Variants in GBF1 observed in about 807,000 individuals in gnomAD.
GBF1 encodes golgi brefeldin A resistant guanine nucleotide exchange factor 1, also known as Golgi-specific brefeldin A-resistance guanine nucleotide exchange factor 1.
A neutral mutation model predicts 210.5 loss-of-function variants in GBF1; 114 were observed. The ratio of observed to expected loss-of-function variants is 0.54; its 90% CI spans 0.47 to 0.63. GBF1 has a LOEUF of 0.63. GBF1 is among the 30% of genes least tolerant of loss of function. The probability of loss-of-function intolerance (pLI) is 0.00; values close to 1 mark genes in which losing one functional copy is unlikely to be tolerated. For missense variants in GBF1, 1,851 were observed against 2,357.7 expected (o/e 0.79, Z 4.45); for synonymous variants, 850 against 889.2 (o/e 0.96, Z 0.78).
chr10:102,344,205 A>G (rs760446135), intron 4 of GBF1, 23 bp downstream of exon 4: 2 of 1,612,574 alleles, frequency 1.2e-6, no homozygotes, highest in Non-Finnish European at 1.7e-6. Flanking sequence ...GCTTTGTTGC[A>G]TGACCACAGC....
At chr10:102,294,617 C>G (rs1342705601) in intron 3 of GBF1, among the ~76,000 whole-genome samples, 1 of 151,918 alleles carries the variant, frequency 6.6e-6, no homozygotes, top group Admixed American at 6.6e-5. Flanking sequence ...TCCTGACCAT[C>G]TGCCCACCTC....
chr10:102,363,388 ACT>A lies in GBF1; in HGVS notation c.2012_2013del (p.Ser671TrpfsTer3). On this transcript the variant is annotated frameshift_variant, in exon 16 of 40. Coordinates refer to ENST00000369983, the MANE Select transcript of GBF1 (RefSeq NM_001377137.1). LOFTEE classifies it high-confidence loss of function. This position sits in a 1 kb window ranked among gnomAD's most constrained non-coding sequence, Gnocchi z 4.2. ...TGCAGTGATCTGGAGGAAGCTGTTG[ACT>A]CTGGGGGTGGGTACTGGGTGTCCAT... 6.2e-7 allele frequency: 1 copy of A among 1,613,218 alleles called. No individual in the cohort carries two copies. Among genetic ancestry groups the A allele is most frequent in the Non-Finnish European group, 8.5e-7 (1 of 1,179,554 alleles).
At chr10:102,349,076 GAGGTC>G (rs1274633014) in intron 4 of GBF1, among the ~76,000 whole-genome samples, 8 of 152,132 alleles carry the variant, frequency 5.3e-5, no homozygotes, top group African/African-American at 1.9e-4. Flanking sequence ...TTGAGCCCCA[GAGGTC>G]GAGGCAGCAG....
chr10:102,298,168 C>A, intron 3 of GBF1, among the ~76,000 whole-genome samples: 1 of 152,018 alleles, frequency 6.6e-6, no homozygotes, highest in African/African-American at 2.4e-5. Flanking sequence ...CTCCTGACCT[C>A]GTGATCCCCC....
intron 3 of GBF1, among the ~76,000 whole-genome samples, chr10:102,288,492 A>G (rs970978148): frequency 1.3e-5 from 2 of 151,586 alleles, no homozygotes; most frequent in African/African-American, 4.8e-5. Flanking sequence ...CGGGCGGATC[A>G]TGAGGTCAGG....
At chr10:102,300,991 T>G (rs1306370241) in intron 3 of GBF1, among the ~76,000 whole-genome samples, 3 of 151,286 alleles carry the variant, frequency 2.0e-5, no homozygotes, top group Non-Finnish European at 4.4e-5. Context: ...TTTTTTTTTT[T>G]TAAGTATTTA....
chr10:102,292,009 C>T (rs2076482159), intron 3 of GBF1, among the ~76,000 whole-genome samples: 1 of 151,478 alleles, frequency 6.6e-6, no homozygotes, highest in Non-Finnish European at 1.5e-5. Context: ...CCTGCCCCAG[C>T]CTCCTGAGTA....
chr10:102,266,510 C>T (rs1438654169), intron 3 of GBF1, among the ~76,000 whole-genome samples: 1 of 152,184 alleles, frequency 6.6e-6, no homozygotes, highest in Non-Finnish European at 1.5e-5. Flanking sequence ...GGACTAATGA[C>T]TCTAGCTGAT....
chr10:102,376,514 C>T, intron 31 of GBF1, 46 bp from the exon 32 acceptor site: 2 of 1,612,264 alleles, frequency 1.2e-6, no homozygotes, highest in East Asian at 4.5e-5. Context: ...AGGACATTCA[C>T]ACAGGGGCCA....
chr10:102,260,624 C>T (rs533585864), intron 3 of GBF1, among the ~76,000 whole-genome samples: 2 of 151,502 alleles, frequency 1.3e-5, no homozygotes, highest in East Asian at 1.9e-4. Flanking sequence ...ATTACAGGCG[C>T]GTGCCACCAC....
chr10:102,345,180 G>T (rs932787494), intron 4 of GBF1, among the ~76,000 whole-genome samples: 1 of 151,596 alleles, frequency 6.6e-6, no homozygotes, highest in Non-Finnish European at 1.5e-5. Flanking sequence ...TACTGGGGAG[G>T]CTGAGGCAGG....
intron 3 of GBF1, among the ~76,000 whole-genome samples, chr10:102,262,460 A>T (rs995590270): frequency 6.6e-6 from 1 of 152,198 alleles, no homozygotes; most frequent in Admixed American, 6.5e-5. Context: ...TCTTCTTAAG[A>T]GATATTAAGA....
chr10:102,381,254 T>G lies in GBF1; in HGVS notation c.5301T>G (p.Cys1767Trp). The change falls in exon 39 of 40, where the codon TGT becomes TGG. Residue 1767 changes from cysteine to tryptophan, a missense_variant and splice_region_variant. Transcript: ENST00000369983. Reference protein sequence around the residue: ...PPEIPSELGACDFEKPESPRA... With the variant: ...PPEIPSELGAWDFEKPESPRA... ...AGATTCCATCTGAGCTGGGGGCCTGTGGTGAGTCTCTCTAGCCTAGCCTGA... is the reference window on the plus strand; with the variant it reads ...AGATTCCATCTGAGCTGGGGGCCTGGGGTGAGTCTCTCTAGCCTAGCCTGA... 6.2e-7 allele frequency: 1 copy of G among 1,613,542 alleles called. No homozygotes were observed. The highest frequency in any genetic ancestry group is 1.1e-5 in the South Asian group (1 of 91,050).
intron 3 of GBF1, among the ~76,000 whole-genome samples, chr10:102,308,865 TAAAGTA>T (rs1176297875): frequency 6.6e-6 from 1 of 151,442 alleles, no homozygotes; most frequent in Non-Finnish European, 1.5e-5. Context: ...CCCTAAAACT[TAAAGTA>T]TAATAATAAT....
At chr10:102,365,665 C>T in intron 18 of GBF1, 66 bp downstream of exon 18, 2 of 1,360,804 alleles carry the variant, frequency 1.5e-6, no homozygotes, top group Non-Finnish European at 2.1e-6. Flanking sequence ...AATCCTGACA[C>T]TTTGGGAGGC....
chr10:102,342,230 G>T (rs1230246817), intron 3 of GBF1, among the ~76,000 whole-genome samples: 1 of 151,818 alleles, frequency 6.6e-6, no homozygotes, highest in African/African-American at 2.4e-5. Flanking sequence ...GTAGAGACCA[G>T]GTTTCACCAT....
intron 3 of GBF1, 32 bp from the exon 4 acceptor site, chr10:102,344,012 TTAGATGA>T: frequency 6.3e-7 from 1 of 1,592,412 alleles, no homozygotes; most frequent in Non-Finnish European, 8.6e-7. Context: ...TAGTTTTCTC[TTAGATGA>T]TACCTCTTCA....
rs2060057997 is a variant in GBF1, at chr10:102,368,937, C to G, written c.2973+105C>G. ...GACCTGGTTGCCCTCAGCGTCTTCC[C>G]TCACTGCCCCCACTTGAATATACCA... On this transcript the variant is annotated intron_variant, in intron 23 of 39. Coordinates refer to ENST00000369983, the MANE Select transcript of GBF1 (RefSeq NM_001377137.1). The G allele has an allele frequency of 1.5e-5, 11 of 756,924 alleles. 1 individual carries two copies. In the South Asian group the frequency reaches 1.6e-4, roughly 11 times the overall value. 46.9% of individuals were successfully genotyped at this position (756,924 alleles called of 1,614,324 possible).
intron 7 of GBF1, among the ~76,000 whole-genome samples, chr10:102,352,964 A>T (rs2059093421): frequency 1.3e-5 from 2 of 152,104 alleles, no homozygotes; most frequent in Non-Finnish European, 2.9e-5. Context: ...GCAAACCAAG[A>T]TGGTTGGTTA....
Sources: gnomAD v4.1 joint callset for allele counts (sites outside exome capture counted in the v4.1 genomes callset) on GRCh38, gnomAD v4.1.1 for gene constraint, Gnocchi (gnomAD v3.1) non-coding constraint, MANE v1.5 for transcripts, NCBI Gene and HGNC (gene_info 2026-07-23, HGNC 2026-07-21) for gene names.